Variants in CSMD1 observed in about 807,000 individuals in gnomAD.
The protein encoded by CSMD1 is CUB and sushi domain-containing protein 1.
Under a neutral mutation model 417.5 loss-of-function variants are expected in CSMD1, and 213 were observed. The ratio of observed to expected loss-of-function variants is 0.51; its 90% confidence interval spans 0.46 to 0.57. The LOEUF (loss-of-function observed/expected upper bound fraction) is 0.57, where lower values mean the gene tolerates loss of function less well. Ranked by LOEUF, CSMD1 falls within the 20% of genes least tolerant of loss-of-function variation. The probability of loss-of-function intolerance (pLI) is 0.00; values close to 1 mark genes in which losing one functional copy is unlikely to be tolerated. For synonymous variants in CSMD1, 2,862 were observed against 1,736.8 expected (o/e 1.65, Z -16.11); for missense variants, 6,923 against 4,529.7 (o/e 1.53, Z -15.17).
intron 37 of CSMD1, among the ~76,000 whole-genome samples, chr8:3,176,762 CTTTCTT>C (rs985723997): frequency 2.0e-5 from 3 of 147,646 alleles, no homozygotes; most frequent in Non-Finnish European, 3.0e-5. Context: ...CCTTTTCTTT[CTTTCTT>C]TTTCTTTTTC....
intron 5 of CSMD1, among the ~76,000 whole-genome samples, chr8:3,827,785 A>C (rs1224003565): frequency 6.6e-6 from 1 of 152,176 alleles, no homozygotes; most frequent in East Asian, 1.9e-4. Flanking sequence ...ACTATCCTAT[A>C]AATTATTGCC....
chr8:3,296,176 T>C (rs937260611), intron 25 of CSMD1, among the ~76,000 whole-genome samples: 2 of 151,856 alleles, frequency 1.3e-5, no homozygotes, highest in African/African-American at 4.8e-5. Flanking sequence ...GCCTGAAGTA[T>C]TAAATGGGGT....
intron 17 of CSMD1, among the ~76,000 whole-genome samples, chr8:3,395,208 CT>C (rs1398962928): frequency 6.6e-6 from 1 of 152,108 alleles, no homozygotes; most frequent in Non-Finnish European, 1.5e-5. Flanking sequence ...TTAAAAACAT[CT>C]TTACAATAGT....
intron 2 of CSMD1, among the ~76,000 whole-genome samples, chr8:4,480,860 C>T (rs1020001225): frequency 6.6e-6 from 1 of 152,268 alleles, no homozygotes; most frequent in Non-Finnish European, 1.5e-5. Flanking sequence ...TCATTAATCC[C>T]TGGGTCCCTG....
chr8:4,287,527 C>G (rs1483735318), intron 3 of CSMD1, among the ~76,000 whole-genome samples: 1 of 152,102 alleles, frequency 6.6e-6, no homozygotes, highest in Non-Finnish European at 1.5e-5. Context: ...CATGTTGCAG[C>G]TTCCCATTAT....
chr8:4,820,474 A>C (rs1799461127), intron 1 of CSMD1, among the ~76,000 whole-genome samples: 1 of 152,204 alleles, frequency 6.6e-6, no homozygotes, highest in South Asian at 2.1e-4. Flanking sequence ...CAATGTTAAC[A>C]AAAAGCCTAC....
chr8:4,485,003 AAAAAAAAAAAAAAAAAAG>A (rs2130159574), intron 2 of CSMD1, among the ~76,000 whole-genome samples: 1 of 146,766 alleles, frequency 6.8e-6, no homozygotes, highest in South Asian at 2.2e-4. Context: ...AAAAAAAAAA[AAAAAAAAAAAAAAAAAAG>A]AAAGAGTCAC....
chr8:4,282,582 T>C (rs571169533), intron 3 of CSMD1, among the ~76,000 whole-genome samples: 2 of 152,354 alleles, frequency 1.3e-5, no homozygotes, highest in East Asian at 1.9e-4. Context: ...CTTAAATGAA[T>C]TGATCTTAGA....
At chr8:3,132,550 G>A (rs1488664555) in intron 41 of CSMD1, among the ~76,000 whole-genome samples, 1 of 152,060 alleles carries the variant, frequency 6.6e-6, no homozygotes, top group Non-Finnish European at 1.5e-5. Context: ...TTGGGGCTCA[G>A]GACACCACCC....
intron 1 of CSMD1, among the ~76,000 whole-genome samples, chr8:4,743,767 G>A (rs1425046342): frequency 1.3e-5 from 2 of 152,106 alleles, no homozygotes; most frequent in Admixed American, 6.5e-5. Flanking sequence ...TTGAAGTTTT[G>A]CCTATTACAC....
At chr8:3,507,560 G>C (rs1585272733) in intron 10 of CSMD1, among the ~76,000 whole-genome samples, 1 of 152,272 alleles carries the variant, frequency 6.6e-6, no homozygotes, top group African/African-American at 2.4e-5. Flanking sequence ...TCTAGTTCTA[G>C]ATCCCTGAGG....
intron 10 of CSMD1, among the ~76,000 whole-genome samples, chr8:3,499,093 C>A (rs948488675): frequency 1.3e-5 from 2 of 152,108 alleles, no homozygotes; most frequent in Non-Finnish European, 2.9e-5. Context: ...ACATTAGTAT[C>A]TATACATCTG....
chr8:3,608,795 T>A (rs1294725946), intron 8 of CSMD1, among the ~76,000 whole-genome samples: 1 of 150,386 alleles, frequency 6.6e-6, no homozygotes, highest in African/African-American at 2.4e-5. Context: ...CGTCCAGCAG[T>A]GTGCATCACG....
rs1419011054 is a variant in CSMD1, at chr8:3,087,281, A to T, written c.7290T>A (p.Pro2430=). Residue 2430 remains proline, a synonymous_variant, in exon 49 of 70, where the codon CCT becomes CCA. Coordinates refer to ENST00000635120, the MANE Select transcript of CSMD1 (RefSeq NM_033225.6). Reference sequence around the variant, plus strand: ...TCAGGGGGTGGGTCAAACTGCAGTAAGGTGCTGTGGGCAGACAGACACACA... The same window carrying T: ...TCAGGGGGTGGGTCAAACTGCAGTATGGTGCTGTGGGCAGACAGACACACA... ...KKGFKIRYAA[P]YCSLTHPLKN... is the part of the protein sequence containing the mutation. 6.2e-7 allele frequency: 1 copy of T among 1,613,728 alleles called. No individual in the cohort carries two copies. The highest frequency in any genetic ancestry group is 1.1e-5 in the South Asian group (1 of 91,074).
intron 3 of CSMD1, among the ~76,000 whole-genome samples, chr8:4,125,073 T>G (rs774191251): frequency 2.6e-5 from 4 of 152,006 alleles, no homozygotes; most frequent in Non-Finnish European, 5.9e-5. Context: ...GCCGCTGCAG[T>G]CCACGGCTTC....
intron 1 of CSMD1, among the ~76,000 whole-genome samples, chr8:4,671,628 G>C (rs375447042): frequency 1.7e-4 from 26 of 152,276 alleles, no homozygotes; most frequent in African/African-American, 5.5e-4. Context: ...TCAGCACAGA[G>C]AGCTTCAACT....
chr8:4,341,641 G>GCT lies in CSMD1; in HGVS notation c.415+78310_415+78311dup, dbSNP rs1800484438. Among the ~76,000 whole-genome samples, 8 of 152,242 alleles carry GCT rather than the reference G, an allele frequency of 5.3e-5. No individual in the cohort carries two copies. In the South Asian group the frequency reaches 1.7e-3, roughly 32 times the overall value. The stretch of plus-strand genomic sequence containing the variant: ...ACTTACGGAAAAATGTTTAGGATAT[G>GCT]CTCTTGTGTTCTAAAAGCATCTTTC... On this transcript the variant is annotated intron_variant, in intron 3 of 69. Coordinates refer to ENST00000635120, the MANE Select transcript of CSMD1 (RefSeq NM_033225.6).
chr8:3,992,332 G>A (rs549398070), intron 5 of CSMD1, among the ~76,000 whole-genome samples: 45 of 152,220 alleles, frequency 3.0e-4, no homozygotes, highest in African/African-American at 9.4e-4. Flanking sequence ...ACTCTGGGGT[G>A]ACAGTTTTGT....
At chr8:4,042,689 T>C (rs1040599955) in intron 3 of CSMD1, among the ~76,000 whole-genome samples, 2 of 151,528 alleles carry the variant, frequency 1.3e-5, no homozygotes, top group Admixed American at 6.6e-5. Context: ...AAATAATATA[T>C]ATTTTAGGTT....
Sources: allele counts gnomAD v4.1 joint callset (sites outside exome capture counted in the v4.1 genomes callset), GRCh38; gene constraint gnomAD v4.1.1; transcripts MANE v1.5; gene names NCBI Gene and HGNC (gene_info 2026-07-23, HGNC 2026-07-21).